The following NUBPL variants were observed in gnomAD, a reference collection of about 807,000 sequenced individuals.
NUBPL encodes iron-sulfur cluster transfer protein NUBPL.
Under a neutral mutation model 45.7 loss-of-function variants are expected in NUBPL, and 31 were observed. The observed-to-expected ratio is 0.68, with a 90% CI of 0.51 to 0.92. The LOEUF (loss-of-function observed/expected upper bound fraction) is 0.92. Ranked by LOEUF, NUBPL falls within the 40% of genes least tolerant of loss-of-function variation. The probability of loss-of-function intolerance (pLI) is 0.00; values close to 1 mark genes in which losing one functional copy is unlikely to be tolerated. For synonymous variants in NUBPL, 144 were observed against 140.9 expected, an observed-to-expected ratio of 1.02 and a Z score of -0.15; for missense variants, 401 against 398.7, an observed-to-expected ratio of 1.01 and a Z score of -0.05.
chr14:31,596,930 A>G (rs1302128997), intron 3 of NUBPL, among the ~76,000 whole-genome samples: 1 of 152,204 alleles, frequency 6.6e-6, no homozygotes, highest in Non-Finnish European at 1.5e-5. Flanking sequence ...AATCAGGGAA[A>G]GTGTTGGTGT....
chr14:31,859,492 G>A lies in NUBPL; in HGVS notation c.*312G>A, dbSNP rs10162516. 42,695 of 386,860 alleles carry A rather than the reference G, an allele frequency of 0.11. 11,848 individuals carry two copies. Among genetic ancestry groups the A allele is most frequent in the African/African-American group, 0.69 (33,176 of 48,402 alleles). 24.0% of individuals were successfully genotyped at this position (386,860 alleles called of 1,614,324 possible). Reference sequence around the variant, plus strand: ...TACAAGTCCATTTTGGGAGAGAACTGTACACTTTTTGCAGGACCACAGAAT... The same window carrying A: ...TACAAGTCCATTTTGGGAGAGAACTATACACTTTTTGCAGGACCACAGAAT... On this transcript the variant is annotated 3_prime_UTR_variant, in exon 11 of 11. Coordinates refer to ENST00000281081, the MANE Select transcript of NUBPL (RefSeq NM_025152.3).
intron 7 of NUBPL, among the ~76,000 whole-genome samples, chr14:31,820,277 TTACA>T (rs1292493846): frequency 6.6e-6 from 1 of 152,206 alleles, no homozygotes; most frequent in African/African-American, 2.4e-5. Flanking sequence ...TGACACTTCC[TTACA>T]GTCAGTAGAG....
At chr14:31,619,849 A>T (rs2035012455) in intron 4 of NUBPL, among the ~76,000 whole-genome samples, 1 of 151,408 alleles carries the variant, frequency 6.6e-6, no homozygotes, top group East Asian at 1.9e-4. Context: ...CGGTTGGGGG[A>T]GTTCTCCTGG....
intron 4 of NUBPL, among the ~76,000 whole-genome samples, chr14:31,665,655 T>C (rs1434384796): frequency 2.6e-5 from 4 of 152,174 alleles, no homozygotes; most frequent in Admixed American, 6.5e-5. Context: ...GCCAATTATG[T>C]GGTCAGTTTT....
intron 4 of NUBPL, among the ~76,000 whole-genome samples, chr14:31,600,382 C>T (rs1280646696): frequency 2.0e-5 from 3 of 152,120 alleles, no homozygotes; most frequent in East Asian, 1.9e-4. Context: ...GGTACACTCA[C>T]ACACCCACAC....
At chr14:31,672,307 GCA>G (rs2036591007) in intron 4 of NUBPL, among the ~76,000 whole-genome samples, 1 of 144,922 alleles carries the variant, frequency 6.9e-6, no homozygotes, top group South Asian at 2.2e-4. Flanking sequence ...GTGTGTGTGT[GCA>G]TGCAAATATA....
At chr14:31,565,142 G>C in intron 3 of NUBPL, 94 bp downstream of exon 3, 2 of 742,226 alleles carry the variant, frequency 2.7e-6, no homozygotes, top group South Asian at 3.5e-5. Flanking sequence ...TCTGTCAGAA[G>C]CTATAGTGTA....
intron 4 of NUBPL, chr14:31,662,113 A>G (rs1042561180): frequency 1.3e-5 from 2 of 151,954 alleles, no homozygotes; most frequent in Admixed American, 6.6e-5. Flanking sequence ...TATCATTCCA[A>G]TTTCAGTTTA....
At chr14:31,749,179 T>C (rs1037547286) in intron 6 of NUBPL, among the ~76,000 whole-genome samples, 1 of 152,232 alleles carries the variant, frequency 6.6e-6, no homozygotes, top group African/African-American at 2.4e-5. Flanking sequence ...TGTTTTTTGA[T>C]TGTTTTGAAT....
intron 3 of NUBPL, among the ~76,000 whole-genome samples, chr14:31,582,386 C>CT (rs57392617): frequency 0.91 from 125,885 of 138,976 alleles, 57,078 homozygotes; most frequent in East Asian, 0.99. Flanking sequence ...AATTTGTGTA[C>CT]TTTTTTTTTT....
intron 6 of NUBPL, among the ~76,000 whole-genome samples, chr14:31,764,050 T>C (rs2138738057): frequency 6.6e-6 from 1 of 152,208 alleles, no homozygotes. Flanking sequence ...AGTTAGTTAG[T>C]TTTGATATAG....
chr14:31,829,545 A>C (rs2040157567), intron 8 of NUBPL, among the ~76,000 whole-genome samples: 1 of 152,186 alleles, frequency 6.6e-6, no homozygotes, highest in African/African-American at 2.4e-5. Context: ...CCACAGCCAA[A>C]GTAATAGTAA....
In NUBPL at chr14:31,755,377, C is replaced by T. The variant is rs367706900; in HGVS notation, c.514-32403C>T. On this transcript the variant is annotated intron_variant, in intron 6 of 10. Coordinates refer to ENST00000281081, the MANE Select transcript of NUBPL (RefSeq NM_025152.3). Reference sequence around the variant, plus strand: ...CAGCACCTGTTGTTTCCTGACTTTTCAATGATCACCATTCTAACTGGTGTG... The same window carrying T: ...CAGCACCTGTTGTTTCCTGACTTTTTAATGATCACCATTCTAACTGGTGTG... Among the ~76,000 whole-genome samples the T allele has an allele frequency of 6.5e-3, 993 of 152,252 alleles. 12 individuals carry two copies. Among genetic ancestry groups the T allele is most frequent in the African/African-American group, 0.022 (930 of 41,552 alleles).
chr14:31,645,402 T>C (rs2139715595), intron 4 of NUBPL, among the ~76,000 whole-genome samples: 1 of 152,264 alleles, frequency 6.6e-6, no homozygotes, highest in South Asian at 2.1e-4. Context: ...TATAGTTGGG[T>C]CTTATTTCTT....
intron 6 of NUBPL, among the ~76,000 whole-genome samples, chr14:31,711,184 G>A (rs1449027077): frequency 6.6e-6 from 1 of 152,172 alleles, no homozygotes; most frequent in African/African-American, 2.4e-5. Context: ...GGACCCCGGA[G>A]CTGAATGGCT....
chr14:31,810,152 G>A (rs28838063), intron 7 of NUBPL, among the ~76,000 whole-genome samples: 4 of 152,154 alleles, frequency 2.6e-5, no homozygotes. Flanking sequence ...GCAGAGCTGA[G>A]TTCAAGTCCT....
At chr14:31,590,991 G>A (rs1164446972) in intron 3 of NUBPL, among the ~76,000 whole-genome samples, 1 of 151,782 alleles carries the variant, frequency 6.6e-6, no homozygotes, top group Non-Finnish European at 1.5e-5. Flanking sequence ...GGCACTTAAG[G>A]CAACTGTTTT....
At chr14:31,662,675 A>T (rs1266302286) in intron 4 of NUBPL, among the ~76,000 whole-genome samples, 1 of 152,166 alleles carries the variant, frequency 6.6e-6, no homozygotes, top group Non-Finnish European at 1.5e-5. Context: ...GCTGCATAGT[A>T]TTCTGTGGTG....
At chr14:31,638,252 C>G (rs2035567356) in intron 4 of NUBPL, among the ~76,000 whole-genome samples, 1 of 151,850 alleles carries the variant, frequency 6.6e-6, no homozygotes. Context: ...ATGTTTAGTG[C>G]TTCCTTCAGG....
Sources: allele counts gnomAD v4.1 joint callset (sites outside exome capture counted in the v4.1 genomes callset), GRCh38; gene constraint gnomAD v4.1.1; transcripts MANE v1.5; gene names NCBI Gene and HGNC (gene_info 2026-07-23, HGNC 2026-07-21).